The following MEMO1 variants were observed in gnomAD, a reference collection of about 807,000 sequenced individuals.
MEMO1 encodes the protein mediator of cell motility 1, also known as protein MEMO1.
In MEMO1, 6 loss-of-function variants were observed where a neutral mutation model predicts 45.2. The ratio of observed to expected loss-of-function variants is 0.13; its 90% CI spans 0.07 to 0.26. The LOEUF (loss-of-function observed/expected upper bound fraction) is 0.26, where lower values mean the gene tolerates loss of function less well. Ranked by LOEUF, MEMO1 falls within the 10% of genes least tolerant of loss-of-function variation. The pLI is 1.00. For synonymous variants in MEMO1, 78 were observed against 124.3 expected (o/e 0.63, Z 2.48); for missense variants, 184 against 370.5 (o/e 0.50, Z 4.13).
intron 2 of MEMO1, among the ~76,000 whole-genome samples, chr2:32,003,941 C>T (rs564893873): frequency 6.6e-6 from 1 of 152,200 alleles, no homozygotes; most frequent in South Asian, 2.1e-4. Context: ...TAGTTAGCTA[C>T]TCAGGAAGCT....
intron 8 of MEMO1, among the ~76,000 whole-genome samples, chr2:31,871,704 T>C (rs1454278622): frequency 6.6e-6 from 1 of 151,914 alleles, no homozygotes; most frequent in Non-Finnish European, 1.5e-5. Context: ...CTCAGAGAAA[T>C]ACAAACTTAA....
rs1028915162 is a variant in MEMO1, at chr2:31,906,938, T to C, written c.437+10988A>G. ...AAATATCTGTATAAAAAAATTTTTT[T>C]CTAACTATGCAACCCAGACAAAAAA... On this transcript the variant is annotated intron_variant, in intron 6 of 9. Coordinates refer to ENST00000404530, the MANE Select transcript of MEMO1 (RefSeq NM_001301833.4). 3.3e-5 allele frequency among the ~76,000 whole-genome samples: 5 copies of C among 152,180 alleles called. No individual in the cohort carries two copies. In the South Asian group the frequency reaches 6.2e-4, roughly 19 times the overall value.
At chr2:31,890,499 A>T (rs1267686250) in intron 7 of MEMO1, among the ~76,000 whole-genome samples, 1 of 152,206 alleles carries the variant, frequency 6.6e-6, no homozygotes, top group African/African-American at 2.4e-5. Context: ...CCTAGCCTTC[A>T]GATCTAAGTA....
At chr2:31,923,633 T>A in intron 4 of MEMO1, 1 of 1,546,870 alleles carries the variant, frequency 6.5e-7, no homozygotes, top group Non-Finnish European at 8.7e-7. Flanking sequence ...AGGTAGTATA[T>A]GAACCAAGAA....
At chr2:31,941,542 G>C (rs1355108052) in intron 3 of MEMO1, among the ~76,000 whole-genome samples, 1 of 152,140 alleles carries the variant, frequency 6.6e-6, no homozygotes, top group African/African-American at 2.4e-5. Context: ...TACCACAAGA[G>C]TGGCAACTTT....
intron 7 of MEMO1, among the ~76,000 whole-genome samples, chr2:31,885,273 C>T (rs552605653): frequency 6.3e-4 from 96 of 152,152 alleles, no homozygotes; most frequent in Non-Finnish European, 1.2e-3. Context: ...GCATGTGCCA[C>T]CACATCCAGC....
chr2:31,889,447 A>T (rs1676637201), intron 7 of MEMO1, among the ~76,000 whole-genome samples: 1 of 152,102 alleles, frequency 6.6e-6, no homozygotes, highest in African/African-American at 2.4e-5. Context: ...ACCATTAAGT[A>T]TTATCTTCAT....
At position 31,928,295 on chromosome 2, in the gene MEMO1, C is replaced by T. The variant is rs546620019; in HGVS notation, c.212+3772G>A. ...CAGCGGCTCATGCCTGTAATCCCAA[C>T]ACTTTGGGAGGCCAAGGCAGGCAGA... On this transcript the variant is annotated intron_variant, in intron 4 of 9. Coordinates refer to ENST00000404530, the MANE Select transcript of MEMO1 (RefSeq NM_001301833.4). Among the ~76,000 whole-genome samples the T allele has an allele frequency of 8.5e-5, 13 of 152,266 alleles. No homozygotes were observed. In the East Asian group the frequency reaches 2.1e-3, roughly 25 times the overall value.
intron 2 of MEMO1, among the ~76,000 whole-genome samples, chr2:31,962,290 G>A (rs1009805613): frequency 2.6e-5 from 4 of 152,094 alleles, no homozygotes; most frequent in Non-Finnish European, 5.9e-5. Flanking sequence ...TCAGAAGGCT[G>A]AGGTAGGAGA....
At chr2:31,985,664 C>G (rs574187091) in intron 2 of MEMO1, among the ~76,000 whole-genome samples, 18 of 152,312 alleles carry the variant, frequency 1.2e-4, no homozygotes, top group African/African-American at 4.1e-4. Context: ...TGTTGCTCTC[C>G]TTTACATGGC....
intron 6 of MEMO1, among the ~76,000 whole-genome samples, chr2:31,911,787 T>C (rs1680604676): frequency 1.3e-5 from 2 of 152,026 alleles, no homozygotes; most frequent in South Asian, 4.1e-4. Flanking sequence ...ACCACAGGTG[T>C]GCACCACCTC....
intron 8 of MEMO1, among the ~76,000 whole-genome samples, chr2:31,879,202 T>C (rs1318580907): frequency 6.6e-6 from 1 of 152,216 alleles, no homozygotes; most frequent in East Asian, 1.9e-4. Context: ...CTGATTCCAC[T>C]GAAACTGCTC....
At chr2:31,874,668 T>C (rs761492670) in intron 8 of MEMO1, among the ~76,000 whole-genome samples, 1 of 152,052 alleles carries the variant, frequency 6.6e-6, no homozygotes, top group Non-Finnish European at 1.5e-5. Context: ...CTTTTTACTC[T>C]ATCAAACTTC....
intron 4 of MEMO1, among the ~76,000 whole-genome samples, chr2:31,927,277 G>A (rs1020202319): frequency 3.3e-5 from 5 of 152,132 alleles, no homozygotes; most frequent in South Asian, 2.1e-4. Context: ...CTGAGATAGC[G>A]CCACTGCATT....
chr2:31,893,221 T>G (rs1414283708), intron 6 of MEMO1: 1 of 499,226 alleles, frequency 2.0e-6, no homozygotes, highest in African/African-American at 2.1e-5. Context: ...CCCAAGCACC[T>G]CCCCCATAAG....
At chr2:31,974,672 G>C (rs1669797113) in intron 2 of MEMO1, among the ~76,000 whole-genome samples, 1 of 152,078 alleles carries the variant, frequency 6.6e-6, no homozygotes, top group South Asian at 2.1e-4. Flanking sequence ...TTGAACCCAG[G>C]GGGGCCAGGG....
intron 6 of MEMO1, among the ~76,000 whole-genome samples, chr2:31,899,292 AG>A (rs1465063312): frequency 6.6e-6 from 1 of 152,218 alleles, no homozygotes; most frequent in Non-Finnish European, 1.5e-5. Flanking sequence ...CTATACTACA[AG>A]GCTACAGTAA....
chr2:31,993,027 T>C (rs2148555294), intron 2 of MEMO1, among the ~76,000 whole-genome samples: 1 of 152,222 alleles, frequency 6.6e-6, no homozygotes, highest in East Asian at 1.9e-4. Context: ...GGTCGATTTT[T>C]CTACAAATAG....
chr2:32,000,246 T>A (rs1673116798), intron 2 of MEMO1, among the ~76,000 whole-genome samples: 1 of 151,620 alleles, frequency 6.6e-6, no homozygotes, highest in Admixed American at 6.6e-5. Flanking sequence ...TTTTTTTTTT[T>A]GAGACGGAGT....
Sources: gnomAD v4.1 joint callset for allele counts (sites outside exome capture counted in the v4.1 genomes callset) on GRCh38, gnomAD v4.1.1 for gene constraint, MANE v1.5 for transcripts, NCBI Gene and HGNC (gene_info 2026-07-23, HGNC 2026-07-21) for gene names.